The following STAT3 variants were observed in gnomAD, a reference collection of about 807,000 sequenced individuals.
STAT3 encodes signal transducer and activator of transcription 3, also known as DNA-binding protein APRF.
Under a neutral mutation model 114.3 loss-of-function variants are expected in STAT3, and 7 were observed. The observed-to-expected ratio is 0.06, with a 90% CI of 0.03 to 0.11. The LOEUF is 0.11. Among genes scored for constraint, STAT3 ranks in the 10% least tolerant of loss-of-function variants. The pLI, the probability that STAT3 is intolerant of heterozygous loss-of-function variation, is 1.00. For synonymous variants in STAT3, 331 were observed against 354.5 expected (o/e 0.93, Z 0.74); for missense variants, 364 against 960.9 (o/e 0.38, Z 8.21).
intron 20 of STAT3, 72 bp from the exon 21 acceptor site, chr17:42,322,566 T>C: frequency 1.9e-6 from 3 of 1,560,244 alleles, no homozygotes; most frequent in Non-Finnish European, 2.7e-6. Flanking sequence ...CTGCCCATTT[T>C]TTCTTTCCTC....
chr17:42,348,888 C>T (rs529082922), intron 1 of STAT3, among the ~76,000 whole-genome samples: 1 of 152,064 alleles, frequency 6.6e-6, no homozygotes, highest in East Asian at 1.9e-4. Flanking sequence ...ATAATCACAG[C>T]TCCTTTTTAT....
intron 1 of STAT3, among the ~76,000 whole-genome samples, chr17:42,356,787 A>ATTG (rs1384156105): frequency 2.6e-5 from 4 of 151,042 alleles, no homozygotes; most frequent in African/African-American, 9.7e-5. Flanking sequence ...ATGTTTTGTT[A>ATTG]TTGTTGTTGT....
intron 1 of STAT3, 72 bp downstream of exon 1, chr17:42,388,198 AAGGTCCCAG>A: frequency 8.2e-7 from 1 of 1,223,768 alleles, no homozygotes; most frequent in Non-Finnish European, 1.0e-6. Context: ...CAACATCCCC[AAGGTCCCAG>A]AGGCCCCCTG....
rs1215207411 is a variant in STAT3, at chr17:42,314,658, TAA to T, written c.*1085_*1086del. On this transcript the variant is annotated 3_prime_UTR_variant, in exon 24 of 24. Coordinates refer to ENST00000264657, the MANE Select transcript of STAT3 (RefSeq NM_139276.3). ...AAGGCCAATACATTACAAAGGAAAA[TAA>T]GTCTATTTATAAAAAAAAGTCTAAA... 8.8e-6 allele frequency: 2 copies of T among 226,410 alleles called. No homozygotes were observed. The highest frequency in any genetic ancestry group is 1.8e-5 in the Non-Finnish European group (2 of 113,596). The allele number at this position is 226,410 out of a possible 1,614,324, so 14.0% of individuals were successfully genotyped here.
chr17:42,380,036 T>C (rs1301849765), intron 1 of STAT3, among the ~76,000 whole-genome samples: 1 of 152,144 alleles, frequency 6.6e-6, no homozygotes, highest in Non-Finnish European at 1.5e-5. Flanking sequence ...TATGACAGTT[T>C]TTTGTTTTTT....
At chr17:42,317,136 G>A in intron 22 of STAT3, 46 bp downstream of exon 22, 2 of 1,613,170 alleles carry the variant, frequency 1.2e-6, no homozygotes, top group East Asian at 2.2e-5. Flanking sequence ...AGGGATAACT[G>A]AGGATATTAG....
rs2081172864 is a variant in STAT3 at position 42,314,244 on chromosome 17, A to C, written c.*1501T>G. On this transcript the variant is annotated 3_prime_UTR_variant, in exon 24 of 24. Transcript: ENST00000264657. ...GCCTTTGCCCTGCATGAACTGAATG[A>C]AGACGCCATTACAAGTGCCACTGGA... 5 of 233,018 alleles carry C rather than the reference A, an allele frequency of 2.1e-5. No individual in the cohort carries two copies. Among genetic ancestry groups the C allele is most frequent in the Non-Finnish European group, 2.6e-5 (3 of 117,576 alleles). The allele number at this position is 233,018 out of a possible 1,614,324, so 14.4% of individuals were successfully genotyped here. A position where few individuals can be genotyped will look rare whatever the true frequency, so the allele number is the denominator to read the frequency against.
At chr17:42,380,477 C>T (rs1017193381) in intron 1 of STAT3, among the ~76,000 whole-genome samples, 2 of 151,478 alleles carry the variant, frequency 1.3e-5, no homozygotes, top group Non-Finnish European at 2.9e-5. Flanking sequence ...CTCCGCCTCC[C>T]GGGTTCAAGC....
intron 23 of STAT3, chr17:42,316,006 C>G: frequency 6.9e-7 from 1 of 1,439,528 alleles, no homozygotes; most frequent in African/African-American, 1.4e-5. Context: ...TCATTCCCAC[C>G]TTAACTGATT....
chr17:42,386,932 T>G (rs1276226470), intron 1 of STAT3: 5 of 152,186 alleles, frequency 3.3e-5, no homozygotes, highest in African/African-American at 1.2e-4. Context: ...GAAATAAATG[T>G]GCTGACTCAG....
chr17:42,381,471 A>C (rs2084791201), intron 1 of STAT3, among the ~76,000 whole-genome samples: 1 of 152,098 alleles, frequency 6.6e-6, no homozygotes, highest in Non-Finnish European at 1.5e-5. Context: ...CACGCCTGTA[A>C]TCCCAGCACT....
chr17:42,381,580 AC>A (rs1193598942), intron 1 of STAT3, among the ~76,000 whole-genome samples: 9 of 151,748 alleles, frequency 5.9e-5, no homozygotes, highest in African/African-American at 1.5e-4. Context: ...AAAAAAAAAA[AC>A]ATTAGCTGGG....
chr17:42,350,948 T>C (rs770456035), intron 1 of STAT3, among the ~76,000 whole-genome samples: 4 of 151,924 alleles, frequency 2.6e-5, no homozygotes, highest in Non-Finnish European at 5.9e-5. Context: ...CTGGCCAATA[T>C]GGTGAAACCC....
chr17:42,349,840 T>C (rs1239980495), intron 1 of STAT3, among the ~76,000 whole-genome samples: 1 of 152,208 alleles, frequency 6.6e-6, no homozygotes, highest in African/African-American at 2.4e-5. Flanking sequence ...GCAGATCACC[T>C]GAGGTCGGGA....
At chr17:42,332,441 G>A (rs2082060609) in intron 10 of STAT3, among the ~76,000 whole-genome samples, 1 of 146,686 alleles carries the variant, frequency 6.8e-6, no homozygotes, top group African/African-American at 2.5e-5. Flanking sequence ...GGGAGGCTGA[G>A]GCAGGAGAAT....
At chr17:42,320,727 T>TAA (rs756271214) in intron 21 of STAT3, among the ~76,000 whole-genome samples, 11,230 of 59,856 alleles carry the variant, frequency 0.19, 1,016 homozygotes, top group East Asian at 0.37. Flanking sequence ...AGACTTAGTC[T>TAA]AAAAAAAAAA....
chr17:42,365,565 A>G lies in STAT3; in HGVS notation c.-23-17026T>C, dbSNP rs17883814. Among the ~76,000 whole-genome samples, 652 of 152,284 alleles carry G rather than the reference A, an allele frequency of 4.3e-3. 4 individuals are homozygous for G. The highest frequency in any genetic ancestry group is 6.3e-3 in the Non-Finnish European group (429 of 68,020). On this transcript the variant is annotated intron_variant, in intron 1 of 23. Transcript: ENST00000264657. ...TTACTAACATAGTGATTGAATGTAG[A>G]CTTAATAATGAAAGAGTCCAACTTC...
At chr17:42,351,499 G>GTA (rs950990732) in intron 1 of STAT3, among the ~76,000 whole-genome samples, 16 of 152,084 alleles carry the variant, frequency 1.1e-4, no homozygotes, top group African/African-American at 3.6e-4. Context: ...TGTGCCAAGA[G>GTA]TATAGGCTTG....
In STAT3 at chr17:42,333,775, G is replaced by A. The variant is rs2082118948; in HGVS notation, c.957-10C>T. The A allele has an allele frequency of 6.2e-7, 1 of 1,614,086 alleles. No individual in the cohort carries two copies. The highest frequency in any genetic ancestry group is 1.3e-5 in the African/African-American group (1 of 74,934). ...CTCCACCACAAAGGCACTGAGGAAA[G>A]AGAAGATGGGCTCACGCGCCACGGC... On this transcript the variant is annotated splice_polypyrimidine_tract_variant and intron_variant, in intron 9 of 23. Coordinates refer to ENST00000264657, the MANE Select transcript of STAT3 (RefSeq NM_139276.3). This position sits in a 1 kb window ranked among gnomAD's most constrained non-coding sequence, Gnocchi z 5.2.
Sources: allele counts gnomAD v4.1 joint callset (sites outside exome capture counted in the v4.1 genomes callset), GRCh38; gene constraint gnomAD v4.1.1; non-coding constraint Gnocchi (gnomAD v3.1); transcripts MANE v1.5; gene names NCBI Gene and HGNC (gene_info 2026-07-23, HGNC 2026-07-21).